Variants in NLRP9 observed in about 807,000 individuals in gnomAD.
NLRP9 encodes the protein NACHT, LRR and PYD domains-containing protein 9.
A neutral mutation model predicts 83.1 loss-of-function variants in NLRP9; 88 were observed. The ratio of observed to expected loss-of-function variants is 1.06; its 90% CI spans 0.89 to 1.26. The LOEUF (loss-of-function observed/expected upper bound fraction) is 1.26. Among genes scored for constraint, NLRP9 ranks in the 50% most tolerant of loss-of-function variants. NLRP9 has a pLI of 0.00. For missense variants in NLRP9, 1,308 were observed against 1,179.3 expected (o/e 1.11, Z -1.60); for synonymous variants, 521 against 447.6 (o/e 1.16, Z -2.07).
Position 55,733,461 on chromosome 19 carries a change from A to T in NLRP9, c.370T>A (p.Tyr124Asn). 1.2e-6 allele frequency: 2 copies of T among 1,613,920 alleles called. No homozygotes were observed. Among genetic ancestry groups the T allele is most frequent in the Non-Finnish European group, 1.7e-6 (2 of 1,179,864 alleles). ...TACTCATTTTTCATGGTTTCTTTGTAGAAATGCTCAGGGACGTGAAGACAG... is the reference window on the plus strand; with the variant it reads ...TACTCATTTTTCATGGTTTCTTTGTTGAAATGCTCAGGGACGTGAAGACAG... ...ETCLHVPEHF[Y>N]KETMKNEYKE... is the part of the protein sequence containing the mutation. The change falls in exon 2 of 9, where the codon TAC becomes AAC. Residue 124 changes from tyrosine (Y) to asparagine (N), a missense_variant. Transcript: ENST00000332836.
chr19:55,714,904 A>G (rs1987946411), intron 6 of NLRP9, 151 bp downstream of exon 6: 1 of 651,422 alleles, frequency 1.5e-6, no homozygotes, highest in Middle Eastern at 4.4e-4. Context: ...ACCTCCTAGT[A>G]CCATCAGCCT....
intron 4 of NLRP9, among the ~76,000 whole-genome samples, chr19:55,717,940 C>G (rs190718534): frequency 6.6e-6 from 1 of 152,336 alleles, no homozygotes; most frequent in East Asian, 1.9e-4. Flanking sequence ...CAGATTGTTA[C>G]TGTGTCTGTG....
Position 55,708,676 on chromosome 19 carries a change from A to C in NLRP9, c.*236T>G, listed in dbSNP as rs1036175897. 7 of 358,216 alleles carry C rather than the reference A, an allele frequency of 2.0e-5. No individual in the cohort carries two copies. The highest frequency in any genetic ancestry group is 4.7e-5 in the Admixed American group (1 of 21,380). The allele number at this position is 358,216 out of a possible 1,614,324, so 22.2% of individuals were successfully genotyped here. Reference sequence around the variant, plus strand: ...TTGTTTAACGTACTTGTGCTTCTAAATATCACAAGGCAGGATGGGATTTCT... The same window carrying C: ...TTGTTTAACGTACTTGTGCTTCTAACTATCACAAGGCAGGATGGGATTTCT... On this transcript the variant is annotated 3_prime_UTR_variant, in exon 9 of 9. Transcript: ENST00000332836.
At chr19:55,716,217 T>C (rs1290507556) in intron 5 of NLRP9, among the ~76,000 whole-genome samples, 3 of 152,010 alleles carry the variant, frequency 2.0e-5, no homozygotes, top group African/African-American at 4.8e-5. Context: ...CATCACACTG[T>C]ATGGCTTAAA....
intron 4 of NLRP9, among the ~76,000 whole-genome samples, chr19:55,722,916 C>T (rs369782158): frequency 1.1e-3 from 173 of 152,190 alleles, no homozygotes; most frequent in African/African-American, 3.9e-3. Flanking sequence ...CAAACACTGC[C>T]TGTTCTCACT....
rs934746116 is a variant in NLRP9, at chr19:55,724,087, G to A, written c.2052C>T (p.Asn684=). 4 of 1,613,352 alleles carry A rather than the reference G, an allele frequency of 2.5e-6. No homozygotes were observed. The highest frequency in any genetic ancestry group is 1.3e-5 in the African/African-American group (1 of 74,992). Residue 684 remains asparagine, a synonymous_variant, in exon 4 of 9, where the codon AAC becomes AAT. Transcript: ENST00000332836. ...DSELFKAVLH[N]PHLKLLSLYG... Reference sequence around the variant, plus strand: ...ACAGGCTCAGAAGTTTCAGATGAGGGTTGTGAAGAACTGCCTTAAATAATT... The same window carrying A: ...ACAGGCTCAGAAGTTTCAGATGAGGATTGTGAAGAACTGCCTTAAATAATT...
intron 1 of NLRP9, among the ~76,000 whole-genome samples, chr19:55,734,219 G>A (rs1175097808): frequency 6.6e-6 from 1 of 150,884 alleles, no homozygotes; most frequent in African/African-American, 2.4e-5. Flanking sequence ...CACCGCGCCC[G>A]GCTGTCAACC....
intron 4 of NLRP9, among the ~76,000 whole-genome samples, chr19:55,717,435 C>T (rs1988065095): frequency 6.6e-6 from 1 of 152,232 alleles, no homozygotes; most frequent in South Asian, 2.1e-4. Flanking sequence ...CCACGCTTCT[C>T]ACCACCTGGG....
rs1269444106 is a variant in NLRP9 at position 55,732,491 on chromosome 19, C to T, written c.1340G>A (p.Cys447Tyr). Residue 447 changes from cysteine to tyrosine, a missense_variant, in exon 2 of 9, where the codon TGT (cysteine) becomes TAT (tyrosine). Transcript: ENST00000332836. ...CATGGCGGCACAAAACTCTTGGATA[C>T]ACAGATGCATGAAGGCAAAACAGTC... is the stretch of plus-strand genomic sequence containing the variant. ...RGDCFAFMHL[C>Y]IQEFCAAMFY... 6.2e-7 allele frequency: 1 copy of T among 1,614,196 alleles called. No homozygotes were observed. Among genetic ancestry groups the T allele is most frequent in the South Asian group, 1.1e-5 (1 of 91,080 alleles).
chr19:55,734,197 A>G (rs1445648759), intron 1 of NLRP9, among the ~76,000 whole-genome samples: 1 of 151,716 alleles, frequency 6.6e-6, no homozygotes, highest in Non-Finnish European at 1.5e-5. Flanking sequence ...TGCTGGGATT[A>G]CAGGCGTGAG....
At chr19:55,730,333 T>C (rs1374901964) in intron 2 of NLRP9, among the ~76,000 whole-genome samples, 1 of 152,014 alleles carries the variant, frequency 6.6e-6, no homozygotes, top group Non-Finnish European at 1.5e-5. Context: ...CATACACCTG[T>C]AGTCCCAGCT....
At chr19:55,731,566 A>T (rs1357002612) in intron 2 of NLRP9, among the ~76,000 whole-genome samples, 1 of 147,670 alleles carries the variant, frequency 6.8e-6, no homozygotes. Flanking sequence ...TCTACCAAAA[A>T]TACAAAAATT....
At chr19:55,730,136 G>T (rs1219557755) in intron 2 of NLRP9, 144 bp from the exon 3 acceptor site, 1 of 676,794 alleles carries the variant, frequency 1.5e-6, no homozygotes, top group Non-Finnish European at 2.5e-6. Flanking sequence ...CAGGTAAACG[G>T]AGCCAACATG....
chr19:55,735,402 AC>A (rs1988758525), intron 1 of NLRP9, among the ~76,000 whole-genome samples: 1 of 152,196 alleles, frequency 6.6e-6, no homozygotes. Context: ...AGCTTGGCCA[AC>A]ATAGTGAGAC....
chr19:55,716,552 C>T (rs1483576860), intron 5 of NLRP9, among the ~76,000 whole-genome samples, 176 bp downstream of exon 5: 1 of 152,164 alleles, frequency 6.6e-6, no homozygotes, highest in African/African-American at 2.4e-5. Flanking sequence ...AGCCACCACG[C>T]CCAGCCAGCT....
rs900206446 is a variant in NLRP9 at position 55,716,722 on chromosome 19, A to G, written c.2330+6T>C. On this transcript the variant is annotated splice_donor_region_variant and intron_variant, in intron 5 of 8. Coordinates refer to ENST00000332836, the MANE Select transcript of NLRP9 (RefSeq NM_176820.4). ...CTCCGAACGTGCTTCCCGCAGACCA[A>G]CTTACATCAGCCTCTCCAGGGCACA... 3.7e-6 allele frequency: 6 copies of G among 1,612,300 alleles called. No individual in the cohort carries two copies. In the African/African-American group the frequency reaches 5.3e-5, roughly 14 times the overall value.
intron 5 of NLRP9, 23 bp downstream of exon 5, chr19:55,716,705 G>C: frequency 6.2e-7 from 1 of 1,604,746 alleles, no homozygotes; most frequent in East Asian, 2.2e-5. Flanking sequence ...ATCTCCGAAC[G>C]TGCTTCCCGC....
In NLRP9 at chr19:55,708,934, T is replaced by C; in HGVS notation, c.2954A>G (p.Lys985Arg). 1 of 1,566,776 alleles carries C rather than the reference T, an allele frequency of 6.4e-7. No homozygotes were observed. The highest frequency in any genetic ancestry group is 8.6e-7 in the Non-Finnish European group (1 of 1,162,524). ...CCATCAGAGGAGCACACCCCTGATC[T>C]TGTATTCCTCGTCAATCCAAGGTCC... ...SHGPWIDEEYKIRGVLL is the reference protein window; with the variant it reads ...SHGPWIDEEYRIRGVLL Residue 985 changes from lysine (K) to arginine (R), a missense_variant, in exon 9 of 9, where the codon AAG becomes AGG. Transcript: ENST00000332836.
intron 1 of NLRP9, among the ~76,000 whole-genome samples, chr19:55,734,237 G>A (rs572840166): frequency 2.6e-5 from 4 of 151,304 alleles, no homozygotes; most frequent in South Asian, 4.2e-4. Flanking sequence ...ACCAGTACGT[G>A]CCTGTGGTCC....
Sources: allele counts gnomAD v4.1 joint callset (sites outside exome capture counted in the v4.1 genomes callset), GRCh38; gene constraint gnomAD v4.1.1; transcripts MANE v1.5; gene names NCBI Gene and HGNC (gene_info 2026-07-23, HGNC 2026-07-21).